The following MED15 variants were observed in gnomAD, a reference collection of about 807,000 sequenced individuals.
The protein encoded by MED15 is mediator of RNA polymerase II transcription subunit 15.
A neutral mutation model predicts 118.7 loss-of-function variants in MED15; 41 were observed. That is an observed-to-expected ratio of 0.35 (90% CI 0.27 to 0.45). The LOEUF (loss-of-function observed/expected upper bound fraction) is 0.45. Ranked by LOEUF, MED15 falls within the 20% of genes least tolerant of loss-of-function variation. The probability of loss-of-function intolerance (pLI) is 1.00; values close to 1 mark genes in which losing one functional copy is unlikely to be tolerated. For missense variants in MED15, 740 were observed against 1,025.5 expected (o/e 0.72, Z 3.80); for synonymous variants, 436 against 413.9 (o/e 1.05, Z -0.65).
At chr22:20,562,987 G>A (rs1017946176) in intron 5 of MED15, among the ~76,000 whole-genome samples, 5 of 151,746 alleles carry the variant, frequency 3.3e-5, no homozygotes, top group African/African-American at 4.8e-5. Context: ...AGTGAGCCAC[G>A]ATGGTACCAC....
intron 13 of MED15, chr22:20,584,037 A>G (rs2057064789): frequency 2.6e-6 from 1 of 385,928 alleles, no homozygotes; most frequent in African/African-American, 2.0e-5. Flanking sequence ...CCAGGTCTTC[A>G]TGGGTTGATC....
chr22:20,562,815 A>G (rs2056295796), intron 5 of MED15, among the ~76,000 whole-genome samples: 1 of 152,140 alleles, frequency 6.6e-6, no homozygotes, highest in Admixed American at 6.5e-5. Context: ...AGGCAGGAGG[A>G]TCACTTGAAC....
intron 9 of MED15, among the ~76,000 whole-genome samples, chr22:20,579,255 T>C (rs1261008014): frequency 6.6e-6 from 1 of 152,202 alleles, no homozygotes; most frequent in Admixed American, 6.5e-5. Flanking sequence ...GATGAGTCTT[T>C]GCAGGGGCTG....
chr22:20,574,163 A>T (rs2056753708), intron 8 of MED15: 1 of 152,196 alleles, frequency 6.6e-6, no homozygotes, highest in African/African-American at 2.4e-5. Context: ...ACAGCCTCCC[A>T]CCATGAGATG....
chr22:20,568,699 T>C, intron 8 of MED15, 68 bp downstream of exon 8: 1 of 1,565,666 alleles, frequency 6.4e-7, no homozygotes, highest in South Asian at 1.2e-5. Flanking sequence ...CATGTAGTGC[T>C]ACAGTGAGGG....
At chr22:20,530,419 C>T (rs2054809796) in intron 1 of MED15, among the ~76,000 whole-genome samples, 1 of 152,186 alleles carries the variant, frequency 6.6e-6, no homozygotes, top group African/African-American at 2.4e-5. Context: ...CATCCTGCCC[C>T]CCTGAGGTCA....
rs973798662 is a variant in MED15 at position 20,521,809 on chromosome 22, T to A, written c.68+14063T>A. 3.8e-4 allele frequency among the ~76,000 whole-genome samples: 57 copies of A among 151,848 alleles called. 1 individual carries two copies. Among genetic ancestry groups the A allele is most frequent in the Middle Eastern group, 3.4e-3 (1 of 294 alleles). The stretch of plus-strand genomic sequence containing the variant: ...GGCTCAATCTCACCTCACTGCAGCC[T>A]CTGCCTCCAGGGTTCACATGATTCT... On this transcript the variant is annotated intron_variant, in intron 1 of 17. Transcript: ENST00000263205.
intron 1 of MED15, among the ~76,000 whole-genome samples, chr22:20,514,405 C>A (rs1476278813): frequency 2.0e-5 from 3 of 152,164 alleles, no homozygotes; most frequent in Non-Finnish European, 2.9e-5. Flanking sequence ...AACAAAAGGA[C>A]CTTATCAGCT....
intron 1 of MED15, chr22:20,522,938 C>T (rs9612171): frequency 0.029 from 4,480 of 152,304 alleles, 104 homozygotes; most frequent in Non-Finnish European, 0.044. Context: ...ACAGCAGCCC[C>T]GGTCCCGTCT....
chr22:20,536,893 C>G (rs1425286613), intron 1 of MED15, among the ~76,000 whole-genome samples: 1 of 152,204 alleles, frequency 6.6e-6, no homozygotes, highest in Non-Finnish European at 1.5e-5. Flanking sequence ...TCATGGCGAC[C>G]ACCTTTCCTG....
chr22:20,529,680 A>G (rs1440784292), intron 1 of MED15, among the ~76,000 whole-genome samples: 2 of 152,130 alleles, frequency 1.3e-5, no homozygotes, highest in Non-Finnish European at 2.9e-5. Flanking sequence ...GCTCATTGCA[A>G]CCTTTGCCTC....
intron 17 of MED15, 80 bp downstream of exon 17, chr22:20,585,906 G>C: frequency 7.3e-7 from 1 of 1,377,024 alleles, no homozygotes; most frequent in Non-Finnish European, 1.0e-6. Context: ...CACTGCAGCA[G>C]GGACAGCCTC....
intron 1 of MED15, among the ~76,000 whole-genome samples, chr22:20,514,107 C>T (rs544929391): frequency 4.6e-5 from 7 of 152,264 alleles, no homozygotes; most frequent in African/African-American, 1.7e-4. Flanking sequence ...CTCAAGTGAT[C>T]CACCTGCCTC....
At chr22:20,508,269 A>T in intron 1 of MED15, 1 of 1,296,846 alleles carries the variant, frequency 7.7e-7, no homozygotes, top group Non-Finnish European at 1.0e-6. Context: ...GACTTTGCCG[A>T]AGGATGGCAG....
Position 20,551,744 on chromosome 22 carries a change from C to G in MED15, c.208+257C>G, listed in dbSNP as rs755031779. On this transcript the variant is annotated intron_variant, in intron 3 of 17. Coordinates refer to ENST00000263205, the MANE Select transcript of MED15 (RefSeq NM_001003891.3). ...TCAAAGTGGTCTAAACGGGTTGCTG[C>G]TTCACTTGCTCACTTAATCTCCCTT... 6 of 539,448 alleles carry G rather than the reference C, an allele frequency of 1.1e-5. No individual in the cohort carries two copies. The Admixed American group carries it at 1.3e-4, about 12-fold the overall frequency. The allele number at this position is 539,448 out of a possible 1,614,324, so 33.4% of individuals were successfully genotyped here. A position where few individuals can be genotyped will look rare whatever the true frequency, so the allele number is the denominator to read the frequency against.
At chr22:20,544,092 T>C (rs2055428150) in intron 2 of MED15, among the ~76,000 whole-genome samples, 5 of 152,244 alleles carry the variant, frequency 3.3e-5, no homozygotes. Context: ...TTTGATAGTA[T>C]ATGTATTCTT....
intron 10 of MED15, 21 bp from the exon 11 acceptor site, chr22:20,582,819 G>A (rs745522292): frequency 1.9e-6 from 3 of 1,608,286 alleles, no homozygotes; most frequent in East Asian, 2.2e-5. Flanking sequence ...CGGCTCACAT[G>A]TTTCTCTCAC....
chr22:20,555,144 A>G lies in MED15; in HGVS notation c.447A>G (p.Pro149=). ...HSMAVVSTAT[P]QTQLQLQQVA... ...TGGCTGTCGTGTCTACGGCAACTCC[A>G]CAGAGTGAGTACCACACTTCTTGGA... Residue 149 remains proline (P), a synonymous_variant, in exon 5 of 18, where the codon CCA becomes CCG. Coordinates refer to ENST00000263205, the MANE Select transcript of MED15 (RefSeq NM_001003891.3). 1.3e-6 allele frequency: 2 copies of G among 1,596,874 alleles called. No individual in the cohort carries two copies. Among genetic ancestry groups the G allele is most frequent in the East Asian group, 2.3e-5 (1 of 44,284 alleles).
chr22:20,564,796 C>T, intron 6 of MED15, 108 bp downstream of exon 6: 9 of 1,542,208 alleles, frequency 5.8e-6, no homozygotes, highest in Admixed American at 1.8e-5. Flanking sequence ...CGAGGGTTCT[C>T]TTGACACGTG....
Sources: allele counts gnomAD v4.1 joint callset (sites outside exome capture counted in the v4.1 genomes callset), GRCh38; gene constraint gnomAD v4.1.1; transcripts MANE v1.5; gene names NCBI Gene and HGNC (gene_info 2026-07-23, HGNC 2026-07-21).